ABCF1: variants seen among roughly 807,000 people sequenced by gnomAD.
ABCF1 encodes the protein ATP-binding cassette sub-family F member 1.
ABCF1 carries 73 observed loss-of-function variants against 126.3 expected under a neutral mutation model. The ratio of observed to expected loss-of-function variants is 0.58; its 90% CI spans 0.48 to 0.70. ABCF1 has a LOEUF of 0.70. Among genes scored for constraint, ABCF1 ranks in the 30% least tolerant of loss-of-function variants. ABCF1 has a pLI of 0.00. For missense variants in ABCF1, 786 were observed against 1,057.5 expected, an observed-to-expected ratio of 0.74 and a Z score of 3.56; for synonymous variants, 345 against 396.4, an observed-to-expected ratio of 0.87 and a Z score of 1.54.
rs1801611914 is a variant in ABCF1, at chr6:30,578,214, G to A, written c.343+12G>A. 1.2e-6 allele frequency: 2 copies of A among 1,613,696 alleles called. No homozygotes were observed. Among genetic ancestry groups the A allele is most frequent in the Non-Finnish European group, 1.7e-6 (2 of 1,179,894 alleles). On this transcript the variant is annotated intron_variant, in intron 4 of 24. Coordinates refer to ENST00000326195, the MANE Select transcript of ABCF1 (RefSeq NM_001025091.2). Reference sequence around the variant, plus strand: ...TGAGGAGGATGAAGGTAAATGACCTGAGGGGGAATGGGTACCTGGAATCCA... The same window carrying A: ...TGAGGAGGATGAAGGTAAATGACCTAAGGGGGAATGGGTACCTGGAATCCA...
intron 8 of ABCF1, among the ~76,000 whole-genome samples, chr6:30,581,172 C>G (rs897334051): frequency 3.3e-5 from 5 of 152,024 alleles, no homozygotes; most frequent in African/African-American, 1.2e-4. Flanking sequence ...AACACCTAAT[C>G]CAGTGAAGAA....
chr6:30,590,223 C>T lies in ABCF1; in HGVS notation c.2298+10C>T. On this transcript the variant is annotated intron_variant, in intron 23 of 24. Transcript: ENST00000326195. ...TGATGTCCTCATCTTGGTGAGTGAGCTGGGCTGTGGGAAAAGGGATAAGGG... is the reference window on the plus strand; with the variant it reads ...TGATGTCCTCATCTTGGTGAGTGAGTTGGGCTGTGGGAAAAGGGATAAGGG... 1.2e-6 allele frequency: 2 copies of T among 1,612,980 alleles called. No homozygotes were observed. Among genetic ancestry groups the T allele is most frequent in the Non-Finnish European group, 1.7e-6 (2 of 1,180,000 alleles).
Position 30,578,498 on chromosome 6 carries a change from A to G in ABCF1, c.410A>G (p.Gln137Arg), listed in dbSNP as rs1229985948. ...GGTAATGTTTTTGCAGCCCTGATTC[A>G]GGATCAGAGTGAGGAAGAGGAGGAG... ...KGGNVFAALI[Q>R]DQSEEEEEEE... The change falls in exon 6 of 25, where the codon CAG becomes CGG. Residue 137 changes from glutamine to arginine, a missense_variant. Coordinates refer to ENST00000326195, the MANE Select transcript of ABCF1 (RefSeq NM_001025091.2). The G allele has an allele frequency of 2.5e-6, 4 of 1,613,956 alleles. No individual in the cohort carries two copies. The highest frequency in any genetic ancestry group is 3.4e-6 in the Non-Finnish European group (4 of 1,179,986).
At chr6:30,587,942 G>A (rs934313306) in intron 20 of ABCF1, among the ~76,000 whole-genome samples, 2 of 150,274 alleles carry the variant, frequency 1.3e-5, no homozygotes, top group Admixed American at 6.6e-5. Context: ...TCTCACTGTC[G>A]CCCAGCCTGG....
At chr6:30,582,992 C>T in intron 9 of ABCF1, 74 bp from the exon 10 acceptor site, 1 of 1,549,414 alleles carries the variant, frequency 6.5e-7, no homozygotes, top group South Asian at 1.2e-5. Flanking sequence ...CATGCCCAGC[C>T]AGCATGGGCT....
chr6:30,573,800 T>C (rs1429630195), intron 1 of ABCF1, among the ~76,000 whole-genome samples: 2 of 152,224 alleles, frequency 1.3e-5, no homozygotes, highest in African/African-American at 2.4e-5. Context: ...GCAGAAGTAG[T>C]GTTCATTCGG....
intron 1 of ABCF1, among the ~76,000 whole-genome samples, chr6:30,576,276 CTTTTTTTT>C (rs9256927): frequency 1.7e-3 from 76 of 44,156 alleles, no homozygotes; most frequent in African/African-American, 6.2e-3. Flanking sequence ...TCTGAGTGCT[CTTTTTTTT>C]TTTTTTTTTT....
intron 8 of ABCF1, 114 bp downstream of exon 8, chr6:30,580,633 TC>T (rs1397883097): frequency 3.0e-6 from 2 of 671,248 alleles, no homozygotes; most frequent in East Asian, 6.9e-5. Context: ...TTTATTCTTT[TC>T]TTTTTTTGGG....
chr6:30,581,398 C>CTTTTTTTTTT (rs71552010), intron 8 of ABCF1, among the ~76,000 whole-genome samples: 3 of 84,868 alleles, frequency 3.5e-5, no homozygotes, highest in African/African-American at 4.8e-5. Context: ...GCTTCCTGAT[C>CTTTTTTTTTT]TTTTTTTTTT....
Position 30,584,277 on chromosome 6 carries a change from G to A in ABCF1, c.1188G>A (p.Arg396=), listed in dbSNP as rs1801992232. The A allele has an allele frequency of 6.8e-6, 11 of 1,613,018 alleles. No homozygotes were observed. In the South Asian group the frequency reaches 1.2e-4, roughly 18 times the overall value. The change falls in exon 13 of 25, where the codon CGG becomes CGA. Residue 396 remains arginine (R), a synonymous_variant. Transcript: ENST00000326195. This position sits in a 1 kb window ranked among gnomAD's most constrained non-coding sequence, Gnocchi z 4.6. ...TGAAGCTGCTGGAAGAGGAGCGGCG[G>A]CTTCAGGGACAGCTGGAACAAGGGG... ...KRLKLLEEER[R]LQGQLEQGDD... is the part of the protein sequence containing the mutation.
chr6:30,575,971 G>A (rs1274625422), intron 1 of ABCF1, among the ~76,000 whole-genome samples: 1 of 151,650 alleles, frequency 6.6e-6, no homozygotes, highest in East Asian at 2.0e-4. Flanking sequence ...CTACTCAGGA[G>A]GCTAAAGTGG....
Position 30,571,492 on chromosome 6 carries a change from C to G in ABCF1, c.5C>G (p.Pro2Arg), listed in dbSNP as rs529428649. ...GTAGCTGTAACTGCCACCGCGATGC[C>G]GAAGGCGCCCAAGCAGCAGCCGCCG... Reference protein sequence around the residue: MPKAPKQQPPEP... With the variant: MRKAPKQQPPEP... Residue 2 changes from proline (P) to arginine (R), a missense_variant, in exon 1 of 25, where the codon CCG (proline) becomes CGG (arginine). Coordinates refer to ENST00000326195, the MANE Select transcript of ABCF1 (RefSeq NM_001025091.2). The G allele has an allele frequency of 2.2e-5, 35 of 1,610,306 alleles. No individual in the cohort carries two copies. The highest frequency in any genetic ancestry group is 1.7e-4 in the Middle Eastern group (1 of 5,746).
Position 30,589,937 on chromosome 6 carries a change from G to C in ABCF1, c.2196G>C (p.Glu732Asp). 1 of 1,613,950 alleles carries C rather than the reference G, an allele frequency of 6.2e-7. No homozygotes were observed. The highest frequency in any genetic ancestry group is 2.2e-5 in the East Asian group (1 of 44,882). Residue 732 changes from glutamate to aspartate, a missense_variant, in exon 22 of 25, where the codon GAG becomes GAC. Around this residue, in one of 4 missense-constraint regions of ABCF1, gnomAD observed 288 missense variants for 423.5 expected, o/e 0.68. Transcript: ENST00000326195. ...AGTGCCTGGGCCGCTTCGGCCTGGA[G>C]AGTCACGCCCACACCATCCAGATCT... is the stretch of plus-strand genomic sequence containing the variant. Reference protein sequence around the residue: ...ARKCLGRFGLESHAHTIQICK... With the variant: ...ARKCLGRFGLDSHAHTIQICK...
Position 30,590,705 on chromosome 6 carries a change from T to G in ABCF1, c.*4T>G, listed in dbSNP as rs762763888. On this transcript the variant is annotated 3_prime_UTR_variant, in exon 25 of 25. Transcript: ENST00000326195. Reference sequence around the variant, plus strand: ...GGTCAGCCGGCCCCGAGAGTGAGCTTTCCTTCCCAGAAGTCTCCCGAGAGA... The same window carrying G: ...GGTCAGCCGGCCCCGAGAGTGAGCTGTCCTTCCCAGAAGTCTCCCGAGAGA... 2.5e-6 allele frequency: 4 copies of G among 1,603,608 alleles called. No homozygotes were observed. Among genetic ancestry groups the G allele is most frequent in the Non-Finnish European group, 3.4e-6 (4 of 1,175,514 alleles).
intron 1 of ABCF1, 116 bp downstream of exon 1, chr6:30,571,676 C>T (rs1286899204): frequency 1.1e-5 from 13 of 1,140,062 alleles, no homozygotes; most frequent in Non-Finnish European, 1.6e-5. Flanking sequence ...GGAGTTACTG[C>T]GCATGCGTGC....
In ABCF1 at chr6:30,577,864, A is replaced by T. The variant is rs1801585067; in HGVS notation, c.167A>T (p.Glu56Val). ...GAAGATAAACAGGCTGGGGAAGAAGAGAAAGTGCTCAAGGAGAAGGAGCAG... is the reference window on the plus strand; with the variant it reads ...GAAGATAAACAGGCTGGGGAAGAAGTGAAAGTGCTCAAGGAGAAGGAGCAG... ...AVEDKQAGEE[E>V]KVLKEKEQQQ... The change falls in exon 3 of 25, where the codon GAG becomes GTG. Residue 56 changes from glutamate (E) to valine (V), a missense_variant. By Grantham distance (121) the Glu-to-Val change is moderately radical. Around this residue, in one of 4 missense-constraint regions of ABCF1, gnomAD observed 322 missense variants for 322.9 expected, o/e 1.00. Transcript: ENST00000326195. The T allele has an allele frequency of 6.2e-7, 1 of 1,614,070 alleles. No homozygotes were observed. Among genetic ancestry groups the T allele is most frequent in the African/African-American group, 1.3e-5 (1 of 75,034 alleles).
chr6:30,573,980 G>A (rs939617269), intron 1 of ABCF1, among the ~76,000 whole-genome samples: 4 of 152,184 alleles, frequency 2.6e-5, no homozygotes, highest in African/African-American at 7.2e-5. Flanking sequence ...CAGCTTAAGC[G>A]ATATACGAAA....
At chr6:30,587,038 TA>T (rs1802179064) in intron 20 of ABCF1, among the ~76,000 whole-genome samples, 1 of 152,106 alleles carries the variant, frequency 6.6e-6, no homozygotes, top group Admixed American at 6.6e-5. Context: ...AGGGATCACC[TA>T]AGGTCAAGAG....
chr6:30,584,544 C>T lies in ABCF1; in HGVS notation c.1369C>T (p.Arg457Cys), dbSNP rs772178279. Residue 457 changes from arginine to cysteine, a missense_variant, in exon 14 of 25, where the codon CGC becomes TGC. By Grantham distance (180) the Arg-to-Cys change is radical. Around this residue, in one of 4 missense-constraint regions of ABCF1, gnomAD observed 163 missense variants for 255.3 expected, o/e 0.64. Transcript: ENST00000326195. The surrounding 1 kb of genome is among the most constrained non-coding windows in gnomAD (Gnocchi z 4.6). ...RPTQKFSGGWRMRVSLARALF... is the reference protein window; with the variant it reads ...RPTQKFSGGWCMRVSLARALF... ...CACACAGAAGTTCTCAGGGGGCTGG[C>T]GCATGCGTGTCTCCCTGGCCAGGTG... 10 of 1,606,372 alleles carry T rather than the reference C, an allele frequency of 6.2e-6. No homozygotes were observed. The highest frequency in any genetic ancestry group is 1.1e-5 in the South Asian group (1 of 90,622).
Sources: gnomAD v4.1 joint callset for allele counts (sites outside exome capture counted in the v4.1 genomes callset) on GRCh38, gnomAD v4.1.1 for gene constraint, gnomAD v4.1.1 regional missense constraint, Gnocchi (gnomAD v3.1) non-coding constraint, MANE v1.5 for transcripts, NCBI Gene and HGNC (gene_info 2026-07-23, HGNC 2026-07-21) for gene names.